MSRA: variants seen among roughly 807,000 people sequenced by gnomAD.
MSRA encodes the protein methionine sulfoxide reductase A.
MSRA carries 54 observed loss-of-function variants against 31.3 expected under a neutral mutation model. The ratio of observed to expected loss-of-function variants is 1.73; its 90% CI spans 1.39 to 2.17. The LOEUF is 2.17. Ranked by LOEUF, MSRA falls within the 30% of genes most tolerant of loss-of-function variation. The probability of loss-of-function intolerance (pLI) is 0.00; values close to 1 mark genes in which losing one functional copy is unlikely to be tolerated. For missense variants in MSRA, 507 were observed against 300.9 expected, an observed-to-expected ratio of 1.69 and a Z score of -5.07; for synonymous variants, 169 against 116.5, an observed-to-expected ratio of 1.45 and a Z score of -2.90.
At chr8:10,281,422 C>T (rs73534552) in intron 3 of MSRA, among the ~76,000 whole-genome samples, 1 of 152,136 alleles carries the variant, frequency 6.6e-6, no homozygotes, top group Non-Finnish European at 1.5e-5. Context: ...TTTTCCAGTT[C>T]CCACCCTCAT....
intron 5 of MSRA, among the ~76,000 whole-genome samples, chr8:10,386,178 A>G (rs906826907): frequency 1.3e-5 from 2 of 152,180 alleles, no homozygotes; most frequent in South Asian, 2.1e-4. Flanking sequence ...TCTCTGAGAT[A>G]TGTATTCCAG....
Position 10,245,239 on chromosome 8 carries a change from T to A in MSRA, c.331+16T>A, listed in dbSNP as rs1797562036. On this transcript the variant is annotated intron_variant, in intron 3 of 5. Transcript: ENST00000317173. ...GTCTGCTCAGGTAGGAAGAATTTGC[T>A]TTATTGTATTACTAGGAGAAACAAG... 6.2e-7 allele frequency: 1 copy of A among 1,611,804 alleles called. No individual in the cohort carries two copies. The highest frequency in any genetic ancestry group is 2.2e-5 in the East Asian group (1 of 44,810).
In MSRA at chr8:10,401,133, A is replaced by G. The variant is rs1252341987; in HGVS notation, c.544-27015A>G. ...AAAAAACAACCCACAGAGTCACAGA[A>G]AATGTTAGCAAATCATATATCTGAT... On this transcript the variant is annotated intron_variant, in intron 5 of 5. Transcript: ENST00000317173. Among the ~76,000 whole-genome samples the G allele has an allele frequency of 3.3e-5, 5 of 152,210 alleles. No homozygotes were observed. The East Asian group carries it at 9.6e-4, about 29-fold the overall frequency.
Position 10,054,577 on chromosome 8 carries a change from C to G in MSRA, c.61C>G (p.Pro21Ala), listed in dbSNP as rs777763044. The G allele has an allele frequency of 6.3e-7, 1 of 1,585,686 alleles. No homozygotes were observed. Among genetic ancestry groups the G allele is most frequent in the Admixed American group, 1.8e-5 (1 of 57,072 alleles). ...LLLLHSLFPV[P>A]RMGNSASNIV... ...CCTCCTCCACAGCCTCTTTCCCGTC[C>G]CGAGGATGGGCAACTCGGCCTCGAA... The change falls in exon 1 of 6, where the codon CCG becomes GCG. Residue 21 changes from proline (P) to alanine (A), a missense_variant. Pro to Ala is a conservative substitution (Grantham distance 27, BLOSUM62 -1). Coordinates refer to ENST00000317173, the MANE Select transcript of MSRA (RefSeq NM_012331.5).
Position 10,284,232 on chromosome 8 carries a change from G to T in MSRA, c.332-17302G>T, listed in dbSNP as rs552898365. ...GAGACAGAGTTTTACTCTTGTTCCC[G>T]GGATGGAGTGCAATGGCACAATCTC... On this transcript the variant is annotated intron_variant, in intron 3 of 5. Coordinates refer to ENST00000317173, the MANE Select transcript of MSRA (RefSeq NM_012331.5). Among the ~76,000 whole-genome samples, 4 of 152,016 alleles carry T rather than the reference G, an allele frequency of 2.6e-5. No homozygotes were observed. The East Asian group carries it at 7.8e-4, about 30-fold the overall frequency.
At chr8:10,403,333 C>A (rs551421643) in intron 5 of MSRA, among the ~76,000 whole-genome samples, 2 of 152,312 alleles carry the variant, frequency 1.3e-5, no homozygotes, top group East Asian at 3.9e-4. Context: ...AGAAAAAGCC[C>A]TGTCGTGCTG....
intron 1 of MSRA, among the ~76,000 whole-genome samples, chr8:10,101,727 T>A (rs192312670): frequency 6.6e-6 from 1 of 152,216 alleles, no homozygotes; most frequent in Non-Finnish European, 1.5e-5. Flanking sequence ...TTCCTTCTTT[T>A]ATGAGGCTGA....
intron 1 of MSRA, among the ~76,000 whole-genome samples, chr8:10,127,711 C>G (rs1375081779): frequency 3.3e-5 from 5 of 152,170 alleles, no homozygotes; most frequent in Non-Finnish European, 7.3e-5. Flanking sequence ...GTTACCTTAG[C>G]TAACTTGATC....
At chr8:10,260,601 G>A (rs774437607) in intron 3 of MSRA, among the ~76,000 whole-genome samples, 1 of 152,116 alleles carries the variant, frequency 6.6e-6, no homozygotes, top group Non-Finnish European at 1.5e-5. Flanking sequence ...GAAATCCAAG[G>A]ACGTATCATG....
intron 5 of MSRA, among the ~76,000 whole-genome samples, chr8:10,344,223 G>A (rs750826822): frequency 1.4e-4 from 21 of 152,032 alleles, no homozygotes; most frequent in Non-Finnish European, 1.3e-4. Context: ...TGACTCTCTG[G>A]TCTTCCTTCA....
At chr8:10,205,333 A>G (rs1352637863) in intron 1 of MSRA, among the ~76,000 whole-genome samples, 1 of 151,892 alleles carries the variant, frequency 6.6e-6, no homozygotes, top group Non-Finnish European at 1.5e-5. Context: ...AGGTGTCTGG[A>G]GGGGGACAGT....
chr8:10,106,679 G>C (rs943881594), intron 1 of MSRA, among the ~76,000 whole-genome samples: 1 of 152,150 alleles, frequency 6.6e-6, no homozygotes, highest in Admixed American at 6.5e-5. Flanking sequence ...CAGATTTGTT[G>C]TGCTTCTTGT....
At chr8:10,182,224 T>C (rs1806608633) in intron 1 of MSRA, among the ~76,000 whole-genome samples, 1 of 152,190 alleles carries the variant, frequency 6.6e-6, no homozygotes, top group South Asian at 2.1e-4. Flanking sequence ...TATTCCTTTA[T>C]TTGACTTACA....
intron 1 of MSRA, among the ~76,000 whole-genome samples, chr8:10,099,266 C>A (rs77482779): frequency 6.6e-6 from 1 of 152,098 alleles, no homozygotes; most frequent in Admixed American, 6.6e-5. Flanking sequence ...GTGGCCCAGG[C>A]GTGAGGCAGA....
At chr8:10,233,571 T>C (rs912459696) in intron 2 of MSRA, among the ~76,000 whole-genome samples, 1 of 152,218 alleles carries the variant, frequency 6.6e-6, no homozygotes, top group Non-Finnish European at 1.5e-5. Context: ...CTGGAACTCT[T>C]AGATTGAACC....
chr8:10,418,466 A>G (rs1808611988), intron 5 of MSRA, among the ~76,000 whole-genome samples: 1 of 151,958 alleles, frequency 6.6e-6, no homozygotes, highest in Admixed American at 6.6e-5. Context: ...TGCAGTGGTG[A>G]CTCTGGAGGG....
chr8:10,323,084 C>T (rs1180772174), intron 5 of MSRA, among the ~76,000 whole-genome samples: 5 of 81,374 alleles, frequency 6.1e-5, no homozygotes, highest in South Asian at 5.1e-4. Context: ...AGTGAGACTC[C>T]ATCTCAAAAA....
chr8:10,268,491 A>G (rs1429217892), intron 3 of MSRA, among the ~76,000 whole-genome samples: 3 of 152,158 alleles, frequency 2.0e-5, no homozygotes, highest in Admixed American at 2.0e-4. Context: ...TCACAGCACC[A>G]TCCTTCTCTT....
chr8:10,147,439 C>A (rs1803242061), intron 1 of MSRA, among the ~76,000 whole-genome samples: 1 of 152,168 alleles, frequency 6.6e-6, no homozygotes, highest in Admixed American at 6.5e-5. Context: ...CATGTCCTCA[C>A]AACGTAGTGG....
Sources: gnomAD v4.1 joint callset for allele counts (sites outside exome capture counted in the v4.1 genomes callset) on GRCh38, gnomAD v4.1.1 for gene constraint, MANE v1.5 for transcripts, NCBI Gene and HGNC (gene_info 2026-07-23, HGNC 2026-07-21) for gene names.